MCC: variants seen among roughly 807,000 people sequenced by gnomAD.
MCC encodes the protein MCC regulator of Wnt signaling pathway.
A neutral mutation model predicts 116.2 loss-of-function variants in MCC; 90 were observed. That is an observed-to-expected ratio of 0.77 (90% CI 0.65 to 0.92). MCC has a LOEUF of 0.92. Among genes scored for constraint, MCC ranks in the 40% least tolerant of loss-of-function variants. The pLI, the probability that MCC is intolerant of heterozygous loss-of-function variation, is 0.00. For missense variants in MCC, 1,516 were observed against 1,312.2 expected (o/e 1.16, Z -2.40); for synonymous variants, 578 against 510.5 (o/e 1.13, Z -1.78).
chr5:113,200,408 A>G (rs191533434), intron 3 of MCC, among the ~76,000 whole-genome samples: 10 of 152,312 alleles, frequency 6.6e-5, no homozygotes, highest in Non-Finnish European at 1.5e-4. Flanking sequence ...ACAGTGAACC[A>G]CGAGTTGCTG....
intron 6 of MCC, among the ~76,000 whole-genome samples, chr5:113,110,880 TGA>T (rs1166079039): frequency 6.6e-6 from 1 of 152,154 alleles, no homozygotes; most frequent in Non-Finnish European, 1.5e-5. Flanking sequence ...CCTTGTAAAA[TGA>T]GAAGATCTGG....
chr5:113,231,270 G>A (rs1415975125), intron 3 of MCC, among the ~76,000 whole-genome samples: 1 of 152,092 alleles, frequency 6.6e-6, no homozygotes, highest in Non-Finnish European at 1.5e-5. Context: ...GAGTTTCCCA[G>A]TTTTAGAAAT....
chr5:113,229,417 T>C (rs530693664), intron 3 of MCC, among the ~76,000 whole-genome samples: 1 of 152,348 alleles, frequency 6.6e-6, no homozygotes, highest in African/African-American at 2.4e-5. Flanking sequence ...TCCAAACACC[T>C]AGTACTGTGA....
chr5:113,035,755 T>A (rs1751285798), intron 17 of MCC, among the ~76,000 whole-genome samples: 1 of 152,174 alleles, frequency 6.6e-6, no homozygotes, highest in South Asian at 2.1e-4. Context: ...AGCTAAGACA[T>A]CACCACGCCT....
intron 1 of MCC, among the ~76,000 whole-genome samples, chr5:113,410,306 A>G (rs1045109722): frequency 7.2e-5 from 11 of 152,274 alleles, no homozygotes. Flanking sequence ...TACAATGGAT[A>G]CAATGGATAT....
At chr5:113,059,633 C>T (rs1312111101) in intron 14 of MCC, among the ~76,000 whole-genome samples, 5 of 152,222 alleles carry the variant, frequency 3.3e-5, no homozygotes, top group Non-Finnish European at 7.3e-5. Context: ...CAAAAACCCT[C>T]GCCACACATG....
intron 3 of MCC, among the ~76,000 whole-genome samples, chr5:113,161,206 C>A (rs540353991): frequency 6.6e-6 from 1 of 152,186 alleles, no homozygotes; most frequent in African/African-American, 2.4e-5. Context: ...GCTGGCTGCA[C>A]CAACTTAAAT....
At chr5:113,484,465 T>C (rs1316133602) in intron 1 of MCC, among the ~76,000 whole-genome samples, 1 of 152,172 alleles carries the variant, frequency 6.6e-6, no homozygotes, top group East Asian at 1.9e-4. Context: ...TACACTGTTT[T>C]TGAGAAAACA....
At chr5:113,357,171 G>C (rs183269156) in intron 2 of MCC, among the ~76,000 whole-genome samples, 2 of 152,174 alleles carry the variant, frequency 1.3e-5, no homozygotes, top group Non-Finnish European at 2.9e-5. Context: ...GAGAATTAAA[G>C]TTAAAATATG....
chr5:113,110,449 G>A (rs1348192281), intron 6 of MCC, among the ~76,000 whole-genome samples: 7 of 152,212 alleles, frequency 4.6e-5, no homozygotes, highest in Non-Finnish European at 1.0e-4. Flanking sequence ...GGCAACAGAC[G>A]CTAGAAGGAT....
chr5:113,104,620 T>A (rs1756628276), intron 6 of MCC: 3 of 319,128 alleles, frequency 9.4e-6, no homozygotes, highest in Non-Finnish European at 1.7e-5. Flanking sequence ...GTTTCTTTAG[T>A]AAGAACAAAG....
intron 2 of MCC, among the ~76,000 whole-genome samples, chr5:113,350,564 T>C (rs1257149695): frequency 1.3e-5 from 2 of 152,064 alleles, no homozygotes; most frequent in African/African-American, 4.8e-5. Context: ...AAATCTAAGA[T>C]TTCAAACTAT....
intron 4 of MCC, among the ~76,000 whole-genome samples, chr5:113,147,582 T>C (rs146470663): frequency 0.02 from 3,052 of 152,336 alleles, 105 homozygotes; most frequent in African/African-American, 0.069. Context: ...TTTTAAAATA[T>C]GCTAACAAGA....
intron 3 of MCC, among the ~76,000 whole-genome samples, chr5:113,309,003 G>A (rs182108279): frequency 6.6e-6 from 1 of 152,170 alleles, no homozygotes; most frequent in Non-Finnish European, 1.5e-5. Context: ...ATTATTCCTG[G>A]AGAAAAGAGG....
At chr5:113,266,612 G>A (rs182888769) in intron 3 of MCC, among the ~76,000 whole-genome samples, 19 of 152,198 alleles carry the variant, frequency 1.2e-4, no homozygotes, top group Admixed American at 7.9e-4. Flanking sequence ...GAACTCCTAC[G>A]CTCAACTAAT....
At chr5:113,479,722 CT>C (rs1387146257) in intron 1 of MCC, among the ~76,000 whole-genome samples, 2 of 151,980 alleles carry the variant, frequency 1.3e-5, no homozygotes, top group African/African-American at 4.8e-5. Flanking sequence ...TATGGCTGGT[CT>C]TAGGATTTTA....
intron 3 of MCC, among the ~76,000 whole-genome samples, chr5:113,249,699 T>G (rs1318896472): frequency 6.6e-6 from 1 of 152,214 alleles, no homozygotes; most frequent in Non-Finnish European, 1.5e-5. Context: ...CTGTTGGGTT[T>G]CAGGGCAGAG....
At chr5:113,109,766 T>C (rs1383568331) in intron 6 of MCC, among the ~76,000 whole-genome samples, 1 of 152,068 alleles carries the variant, frequency 6.6e-6, no homozygotes, top group Non-Finnish European at 1.5e-5. Context: ...CAGAAAGGAT[T>C]TGAAGTATTG....
At chr5:113,289,540 T>C (rs1032441110) in intron 3 of MCC, among the ~76,000 whole-genome samples, 2 of 152,078 alleles carry the variant, frequency 1.3e-5, no homozygotes, top group East Asian at 3.9e-4. Context: ...AATGATCCTG[T>C]GCCCGTTTCA....
Sources: gnomAD v4.1 joint callset for allele counts (sites outside exome capture counted in the v4.1 genomes callset) on GRCh38, gnomAD v4.1.1 for gene constraint, MANE v1.5 for transcripts, NCBI Gene and HGNC (gene_info 2026-07-23, HGNC 2026-07-21) for gene names.